ZNF169: variants seen among roughly 807,000 people sequenced by gnomAD.
The protein encoded by ZNF169 is zinc finger protein 169.
Under a neutral mutation model 12.0 loss-of-function variants are expected in ZNF169, and 11 were observed. That is an observed-to-expected ratio of 0.92 (90% confidence interval 0.58 to 1.52). The LOEUF (loss-of-function observed/expected upper bound fraction) is 1.52. ZNF169 is among the 40% of genes most tolerant of loss of function. ZNF169 has a pLI of 0.00. For missense variants in ZNF169, 722 were observed against 744.0 expected, an observed-to-expected ratio of 0.97 and a Z score of 0.34; for synonymous variants, 302 against 286.5, an observed-to-expected ratio of 1.05 and a Z score of -0.55.
chr9:94,286,507 T>C (rs751479316), intron 2 of ZNF169, among the ~76,000 whole-genome samples: 1 of 152,150 alleles, frequency 6.6e-6, no homozygotes, highest in Non-Finnish European at 1.5e-5. Context: ...TGGTGGGAAG[T>C]GATTGGATCA....
At chr9:94,298,301 A>G (rs1037860547) in intron 4 of ZNF169, among the ~76,000 whole-genome samples, 1 of 152,248 alleles carries the variant, frequency 6.6e-6, no homozygotes, top group Non-Finnish European at 1.5e-5. Context: ...CTCTTACCAA[A>G]TGCTTTGCTT....
At chr9:94,263,882 A>T in intron 1 of ZNF169, among the ~76,000 whole-genome samples, 1 of 149,034 alleles carries the variant, frequency 6.7e-6, no homozygotes. Flanking sequence ...ATATAACTTA[A>T]TTGCCACTTA....
intron 4 of ZNF169, among the ~76,000 whole-genome samples, chr9:94,296,196 C>G (rs972962819): frequency 6.6e-6 from 1 of 152,194 alleles, no homozygotes; most frequent in Non-Finnish European, 1.5e-5. Flanking sequence ...GTTTTCACAT[C>G]TTTTGCCCAT....
At chr9:94,277,177 T>C (rs1217919637) in intron 1 of ZNF169, among the ~76,000 whole-genome samples, 2 of 152,110 alleles carry the variant, frequency 1.3e-5, no homozygotes, top group African/African-American at 2.4e-5. Context: ...CGGTTGACAA[T>C]TGGTTGAGTT....
At chr9:94,270,083 G>A (rs1489194637) in intron 1 of ZNF169, among the ~76,000 whole-genome samples, 2 of 152,084 alleles carry the variant, frequency 1.3e-5, no homozygotes, top group African/African-American at 4.8e-5. Context: ...CATGCTTTAA[G>A]GCCCAGGAAA....
chr9:94,273,833 C>T (rs946623687), intron 1 of ZNF169, among the ~76,000 whole-genome samples: 1 of 152,174 alleles, frequency 6.6e-6, no homozygotes, highest in Non-Finnish European at 1.5e-5. Flanking sequence ...CCCAGCTTGG[C>T]CTCCCAAAGT....
chr9:94,260,516 G>A (rs1464394012), intron 1 of ZNF169, among the ~76,000 whole-genome samples: 1 of 152,110 alleles, frequency 6.6e-6, no homozygotes, highest in East Asian at 1.9e-4. Context: ...GTGCGACTCG[G>A]GTCAGTAGCC....
At chr9:94,280,531 G>A (rs1014309383) in intron 2 of ZNF169, among the ~76,000 whole-genome samples, 5 of 152,112 alleles carry the variant, frequency 3.3e-5, no homozygotes, top group Non-Finnish European at 5.9e-5. Flanking sequence ...GAAACAAAAT[G>A]CTTGTTCCTC....
intron 1 of ZNF169, among the ~76,000 whole-genome samples, chr9:94,277,621 G>T (rs1035028165): frequency 2.0e-5 from 3 of 152,088 alleles, no homozygotes; most frequent in Non-Finnish European, 4.4e-5. Flanking sequence ...CCCTTAGATA[G>T]GAATTTTGGC....
rs1401124549 is a variant in ZNF169, at chr9:94,299,838, A to G, written c.280A>G (p.Ser94Gly). ...CPEPRTEFQP[S>G]FPHLVAFSSS... Reference sequence around the variant, plus strand: ...AGAGCCTAGAACAGAATTCCAGCCAAGTTTTCCCCACCTGGTGGCCTTTTC... The same window carrying G: ...AGAGCCTAGAACAGAATTCCAGCCAGGTTTTCCCCACCTGGTGGCCTTTTC... The change falls in exon 5 of 5, where the codon AGT (serine) becomes GGT (glycine). Residue 94 changes from serine (S) to glycine (G), a missense_variant. By Grantham distance (56) the Ser-to-Gly change is moderately conservative. Coordinates refer to ENST00000395395, the MANE Select transcript of ZNF169 (RefSeq NM_194320.4). The G allele has an allele frequency of 6.2e-7, 1 of 1,613,620 alleles. No homozygotes were observed. The highest frequency in any genetic ancestry group is 8.5e-7 in the Non-Finnish European group (1 of 1,179,754).
intron 4 of ZNF169, chr9:94,295,218 C>T (rs1830926994): frequency 2.0e-5 from 3 of 152,078 alleles, no homozygotes; most frequent in Non-Finnish European, 2.9e-5. Context: ...ATACCAGCTA[C>T]TCGGATGGCT....
chr9:94,270,678 A>T (rs542231148), intron 1 of ZNF169, among the ~76,000 whole-genome samples: 743 of 55,854 alleles, frequency 0.013, 9 homozygotes, highest in South Asian at 0.054. Flanking sequence ...TACTATATAA[A>T]TATATATAAA....
At chr9:94,287,844 T>G in intron 2 of ZNF169, 2 of 1,070,068 alleles carry the variant, frequency 1.9e-6, no homozygotes, top group Non-Finnish European at 2.9e-6. Flanking sequence ...GTTGTTCATT[T>G]TAGCCGAGAA....
At chr9:94,271,354 C>A (rs1275294984) in intron 1 of ZNF169, among the ~76,000 whole-genome samples, 1 of 151,814 alleles carries the variant, frequency 6.6e-6, no homozygotes, top group African/African-American at 2.4e-5. Flanking sequence ...GCCTCAGTTC[C>A]CCAAAGTGCT....
At position 94,301,252 on chromosome 9, in the gene ZNF169, C is replaced by T. The variant is rs1471537026; in HGVS notation, c.1694C>T (p.Ser565Phe). 1.9e-6 allele frequency: 3 copies of T among 1,614,160 alleles called. No homozygotes were observed. The South Asian group carries it at 3.3e-5, about 18-fold the overall frequency. Residue 565 changes from serine to phenylalanine, a missense_variant, in exon 5 of 5, where the codon TCT becomes TTT. Coordinates refer to ENST00000395395, the MANE Select transcript of ZNF169 (RefSeq NM_194320.4). ...SALIRHQRTH[S>F]GEKPYVCREC... ...CTCATCCGACATCAGCGGACCCATT[C>T]TGGGGAGAAGCCGTATGTCTGCAGG... is the stretch of plus-strand genomic sequence containing the variant.
In ZNF169 at chr9:94,301,161, A is replaced by G; in HGVS notation, c.1603A>G (p.Thr535Ala). The change falls in exon 5 of 5, where the codon ACA (threonine) becomes GCA (alanine). Residue 535 changes from threonine (T) to alanine (A), a missense_variant. Coordinates refer to ENST00000395395, the MANE Select transcript of ZNF169 (RefSeq NM_194320.4). ...QKSHLISDQRTHSGEKPCICD... is the reference protein window; with the variant it reads ...QKSHLISDQRAHSGEKPCICD... Reference sequence around the variant, plus strand: ...GTCACACCTTATCTCTGACCAAAGGACACACTCAGGAGAGAAGCCCTGCAT... The same window carrying G: ...GTCACACCTTATCTCTGACCAAAGGGCACACTCAGGAGAGAAGCCCTGCAT... The G allele has an allele frequency of 6.2e-7, 1 of 1,614,240 alleles. No homozygotes were observed. Among genetic ancestry groups the G allele is most frequent in the Non-Finnish European group, 8.5e-7 (1 of 1,180,044 alleles).
chr9:94,278,946 CTTGT>C, intron 2 of ZNF169, 101 bp downstream of exon 2: 1 of 1,194,442 alleles, frequency 8.4e-7, no homozygotes, highest in South Asian at 1.4e-5. Flanking sequence ...CTATCTTGAT[CTTGT>C]AGGCGTGACT....
intron 2 of ZNF169, among the ~76,000 whole-genome samples, chr9:94,281,696 A>G (rs1156812578): frequency 6.6e-6 from 1 of 152,160 alleles, no homozygotes; most frequent in Non-Finnish European, 1.5e-5. Context: ...AATCAAATAC[A>G]CTTAAGAAAT....
Position 94,279,597 on chromosome 9 carries a change from GC to G in ZNF169, c.33+754del, listed in dbSNP as rs370960992. ...GGAGGTTGCAGTGAGCCGAGATTGCGCCATTGCACTCCAGCCTGGGTGACTG... is the reference window on the plus strand; with the variant it reads ...GGAGGTTGCAGTGAGCCGAGATTGCGCATTGCACTCCAGCCTGGGTGACTG... On this transcript the variant is annotated intron_variant, in intron 2 of 4. Transcript: ENST00000395395. Among the ~76,000 whole-genome samples the G allele has an allele frequency of 5.1e-4, 50 of 98,676 alleles. No homozygotes were observed. The East Asian group carries it at 0.022, about 43-fold the overall frequency. The allele number at this position is 98,676 out of a possible 152,430, so 64.7% of individuals were successfully genotyped here.
Sources: gnomAD v4.1 joint callset for allele counts (sites outside exome capture counted in the v4.1 genomes callset) on GRCh38, gnomAD v4.1.1 for gene constraint, MANE v1.5 for transcripts, NCBI Gene and HGNC (gene_info 2026-07-23, HGNC 2026-07-21) for gene names.